EEPD1: variants seen among roughly 807,000 people sequenced by gnomAD.
EEPD1 encodes endonuclease/exonuclease/phosphatase family domain containing 1.
In EEPD1, 17 loss-of-function variants were observed where a neutral mutation model predicts 46.3. The observed-to-expected ratio is 0.37, with a 90% confidence interval of 0.25 to 0.55. EEPD1 has a LOEUF of 0.55. EEPD1 is among the 20% of genes least tolerant of loss of function. The pLI, the probability that EEPD1 is intolerant of heterozygous loss-of-function variation, is 0.83. For synonymous variants in EEPD1, 313 were observed against 315.6 expected, an observed-to-expected ratio of 0.99 and a Z score of 0.09; for missense variants, 673 against 745.6, an observed-to-expected ratio of 0.90 and a Z score of 1.13.
intron 2 of EEPD1, among the ~76,000 whole-genome samples, chr7:36,186,071 G>T (rs183075722): frequency 2.5e-4 from 38 of 152,158 alleles, no homozygotes; most frequent in African/African-American, 8.7e-4. Flanking sequence ...TCTTTTGCAG[G>T]TTTGGCTTCT....
intron 3 of EEPD1, among the ~76,000 whole-genome samples, chr7:36,275,611 G>GTATTT (rs1562709929): frequency 5.9e-5 from 9 of 151,900 alleles, no homozygotes; most frequent in Admixed American, 3.3e-4. Context: ...CACGCCTGGT[G>GTATTT]TGTATTTTGT....
In EEPD1 at chr7:36,209,235, C is replaced by T. The variant is rs2115720960; in HGVS notation, c.879-29750C>T. 2.0e-5 allele frequency among the ~76,000 whole-genome samples: 3 copies of T among 152,310 alleles called. No homozygotes were observed. The South Asian group carries it at 6.2e-4, about 32-fold the overall frequency. On this transcript the variant is annotated intron_variant, in intron 2 of 7. Transcript: ENST00000242108. ...GTCTGTTTAACTTCAAGGCTGTTTA[C>T]TCATTATTTTATACTCACTGTCTCT...
At chr7:36,263,080 G>A (rs1786956541) in intron 3 of EEPD1, among the ~76,000 whole-genome samples, 1 of 152,192 alleles carries the variant, frequency 6.6e-6, no homozygotes, top group African/African-American at 2.4e-5. Context: ...GTGCATGCCT[G>A]TGGTACCAGC....
chr7:36,274,581 G>A (rs1156252160), intron 3 of EEPD1, among the ~76,000 whole-genome samples: 1 of 152,110 alleles, frequency 6.6e-6, no homozygotes. Flanking sequence ...TGGGGTACAC[G>A]TGCAGGATGT....
At chr7:36,196,912 A>C (rs1342487688) in intron 2 of EEPD1, among the ~76,000 whole-genome samples, 6 of 135,886 alleles carry the variant, frequency 4.4e-5, no homozygotes, top group Non-Finnish European at 6.2e-5. Flanking sequence ...CTGGCTGCCC[A>C]GTCTGGAAAG....
chr7:36,295,945 C>T (rs761032533), intron 6 of EEPD1, among the ~76,000 whole-genome samples: 62 of 146,460 alleles, frequency 4.2e-4, no homozygotes, highest in Middle Eastern at 3.5e-3. Flanking sequence ...GCAGGAGAAT[C>T]GCTTGAACCC....
intron 2 of EEPD1, among the ~76,000 whole-genome samples, chr7:36,169,503 CAT>C (rs1359253414): frequency 6.6e-6 from 1 of 152,262 alleles, no homozygotes; most frequent in East Asian, 1.9e-4. Flanking sequence ...AGCATCTTGT[CAT>C]ATGTTTATTG....
intron 6 of EEPD1, among the ~76,000 whole-genome samples, chr7:36,291,604 A>G (rs769639292): frequency 2.6e-5 from 4 of 152,164 alleles, no homozygotes; most frequent in Non-Finnish European, 5.9e-5. Flanking sequence ...CATCCCACCC[A>G]TTGTCCTCAC....
chr7:36,238,846 A>G (rs1562698064), intron 2 of EEPD1, 139 bp from the exon 3 acceptor site: 2 of 706,512 alleles, frequency 2.8e-6, no homozygotes, highest in Non-Finnish European at 4.4e-6. Context: ...TGATTTAAAT[A>G]AAAGGTCACC....
At chr7:36,196,826 G>C (rs1375548901) in intron 2 of EEPD1, among the ~76,000 whole-genome samples, 17 of 152,182 alleles carry the variant, frequency 1.1e-4, no homozygotes, top group Middle Eastern at 3.4e-3. Flanking sequence ...CCTCTGCCCG[G>C]CCGCCACCCC....
At chr7:36,204,829 AAAG>A (rs1023447401) in intron 2 of EEPD1, among the ~76,000 whole-genome samples, 2 of 152,202 alleles carry the variant, frequency 1.3e-5, no homozygotes, top group Non-Finnish European at 2.9e-5. Context: ...TTTTTTAAAA[AAAG>A]AGCCTTAGGA....
At chr7:36,176,222 C>T (rs543106505) in intron 2 of EEPD1, among the ~76,000 whole-genome samples, 1 of 152,292 alleles carries the variant, frequency 6.6e-6, no homozygotes, top group African/African-American at 2.4e-5. Flanking sequence ...AAGGAAGATT[C>T]CTGAAGAGGA....
chr7:36,290,835 T>G (rs1356135831), intron 6 of EEPD1, among the ~76,000 whole-genome samples: 1 of 152,190 alleles, frequency 6.6e-6, no homozygotes, highest in African/African-American at 2.4e-5. Context: ...CGTTCTCCCC[T>G]CACTGCTGGG....
At chr7:36,294,386 G>C (rs1259330171) in intron 6 of EEPD1, among the ~76,000 whole-genome samples, 1 of 152,132 alleles carries the variant, frequency 6.6e-6, no homozygotes, top group Non-Finnish European at 1.5e-5. Context: ...TTACAATTTA[G>C]TTGAGAAAAA....
At chr7:36,236,637 T>C (rs1304924545) in intron 2 of EEPD1, among the ~76,000 whole-genome samples, 2 of 152,168 alleles carry the variant, frequency 1.3e-5, no homozygotes, top group South Asian at 4.1e-4. Flanking sequence ...TTTCTAGCTG[T>C]CTCCTGTCTA....
At chr7:36,285,457 T>TC (rs1414103599) in intron 5 of EEPD1, among the ~76,000 whole-genome samples, 2 of 151,990 alleles carry the variant, frequency 1.3e-5, no homozygotes, top group African/African-American at 2.4e-5. Flanking sequence ...GGAATCTCTG[T>TC]CCCCCCAGCA....
At chr7:36,180,168 A>T (rs896994975) in intron 2 of EEPD1, among the ~76,000 whole-genome samples, 4 of 152,220 alleles carry the variant, frequency 2.6e-5, no homozygotes, top group African/African-American at 9.7e-5. Flanking sequence ...GGTAATTGGC[A>T]TGGGATGTTT....
rs546180259 is a variant in EEPD1 at position 36,216,599 on chromosome 7, A to G, written c.879-22386A>G. On this transcript the variant is annotated intron_variant, in intron 2 of 7. Transcript: ENST00000242108. ...GGAAGGTATTGTTTGAAACAATTAA[A>G]GTTGTGCAGAGTTCAAAGTTTTTCA... is the stretch of plus-strand genomic sequence containing the variant. 7.9e-5 allele frequency among the ~76,000 whole-genome samples: 12 copies of G among 152,364 alleles called. 1 individual carries two copies. The South Asian group carries it at 2.5e-3, about 32-fold the overall frequency.
intron 2 of EEPD1, among the ~76,000 whole-genome samples, chr7:36,213,374 G>A (rs185250196): frequency 1.3e-5 from 2 of 152,230 alleles, no homozygotes; most frequent in African/African-American, 2.4e-5. Flanking sequence ...GGGATGTGGT[G>A]CAATTTGCTT....
Sources: allele counts gnomAD v4.1 joint callset (sites outside exome capture counted in the v4.1 genomes callset), GRCh38; gene constraint gnomAD v4.1.1; transcripts MANE v1.5; gene names NCBI Gene and HGNC (gene_info 2026-07-23, HGNC 2026-07-21).